The following STXBP5L variants were observed in gnomAD, a reference collection of about 807,000 sequenced individuals.
STXBP5L encodes syntaxin binding protein 5L, also known as syntaxin-binding protein 5-like.
In STXBP5L, 65 loss-of-function variants were observed where a neutral mutation model predicts 144.5. That is an observed-to-expected ratio of 0.45 (90% CI 0.37 to 0.55). The LOEUF (loss-of-function observed/expected upper bound fraction) is 0.55, where lower values mean the gene tolerates loss of function less well. STXBP5L is among the 20% of genes least tolerant of loss of function. The probability of loss-of-function intolerance (pLI) is 0.00; values close to 1 mark genes in which losing one functional copy is unlikely to be tolerated. For missense variants in STXBP5L, 1,298 were observed against 1,405.5 expected, an observed-to-expected ratio of 0.92 and a Z score of 1.22; for synonymous variants, 505 against 469.6, an observed-to-expected ratio of 1.08 and a Z score of -0.97.
chr3:120,975,682 G>T (rs1940899308), intron 3 of STXBP5L, among the ~76,000 whole-genome samples: 2 of 152,084 alleles, frequency 1.3e-5, no homozygotes, highest in South Asian at 4.1e-4. Context: ...CTGTAGGTTT[G>T]TCATAGATAG....
chr3:121,379,121 C>A (rs374366250), intron 21 of STXBP5L, among the ~76,000 whole-genome samples: 2 of 152,112 alleles, frequency 1.3e-5, no homozygotes, highest in East Asian at 3.8e-4. Flanking sequence ...ACCCCCTCCT[C>A]TGTACAAAGG....
At chr3:121,013,244 C>T (rs1019632149) in intron 3 of STXBP5L, among the ~76,000 whole-genome samples, 2 of 151,854 alleles carry the variant, frequency 1.3e-5, no homozygotes, top group Non-Finnish European at 1.5e-5. Flanking sequence ...AATGGTAATT[C>T]TGTTTTTACT....
At chr3:121,046,168 A>G (rs1481469334) in intron 5 of STXBP5L, among the ~76,000 whole-genome samples, 1 of 152,118 alleles carries the variant, frequency 6.6e-6, no homozygotes, top group Non-Finnish European at 1.5e-5. Context: ...GATCGCATTT[A>G]TGTATTTGTG....
At chr3:120,983,351 G>A (rs985662724) in intron 3 of STXBP5L, among the ~76,000 whole-genome samples, 1 of 152,124 alleles carries the variant, frequency 6.6e-6, no homozygotes, top group African/African-American at 2.4e-5. Flanking sequence ...AAGCAGTTAT[G>A]GGGTGCTCAG....
intron 20 of STXBP5L, among the ~76,000 whole-genome samples, chr3:121,365,868 G>C (rs1166298649): frequency 6.6e-6 from 1 of 151,066 alleles, no homozygotes; most frequent in African/African-American, 2.4e-5. Context: ...GTTGCCTTGA[G>C]ATTTTTCTTA....
chr3:121,221,041 T>A (rs539702122), intron 10 of STXBP5L, among the ~76,000 whole-genome samples: 2 of 152,080 alleles, frequency 1.3e-5, no homozygotes, highest in African/African-American at 4.8e-5. Context: ...ATCTCAATTT[T>A]CTTTTGGTTG....
chr3:121,006,628 A>C (rs1944332590), intron 3 of STXBP5L, among the ~76,000 whole-genome samples: 1 of 151,930 alleles, frequency 6.6e-6, no homozygotes, highest in South Asian at 2.1e-4. Flanking sequence ...GTTAGTTGAT[A>C]CAGTTTCTTC....
intron 7 of STXBP5L, among the ~76,000 whole-genome samples, chr3:121,138,662 GA>G (rs2045363986): frequency 6.6e-6 from 1 of 152,020 alleles, no homozygotes; most frequent in Non-Finnish European, 1.5e-5. Context: ...ATAAAGAAAG[GA>G]AAGTCTCCTT....
chr3:120,988,700 G>C (rs1942540051), intron 3 of STXBP5L, among the ~76,000 whole-genome samples: 1 of 152,042 alleles, frequency 6.6e-6, no homozygotes, highest in African/African-American at 2.4e-5. Flanking sequence ...AGGGGTACAA[G>C]TGCAGTTTTG....
intron 3 of STXBP5L, among the ~76,000 whole-genome samples, chr3:121,031,832 A>T (rs1946391126): frequency 6.6e-6 from 1 of 152,140 alleles, no homozygotes; most frequent in Admixed American, 6.6e-5. Context: ...TACTCAAGAG[A>T]TGCTTCAAAG....
At chr3:121,261,440 G>A (rs905363602) in intron 18 of STXBP5L, among the ~76,000 whole-genome samples, 6 of 152,078 alleles carry the variant, frequency 3.9e-5, no homozygotes, top group African/African-American at 1.4e-4. Flanking sequence ...AACATAACTC[G>A]ATGCAAAAAC....
Position 121,209,776 on chromosome 3 carries a change from G to C in STXBP5L, c.956+3775G>C, listed in dbSNP as rs569947434. On this transcript the variant is annotated intron_variant, in intron 10 of 26. Coordinates refer to ENST00000471454, the MANE Select transcript of STXBP5L (RefSeq NM_001308330.2). ...AGGACGTGAACTCATCCTTTTTCAT[G>C]GCTGCATAGTATTCCATGGTGTATA... Among the ~76,000 whole-genome samples the C allele has an allele frequency of 3.3e-5, 5 of 152,210 alleles. No homozygotes were observed. The South Asian group carries it at 1.0e-3, about 32-fold the overall frequency.
In STXBP5L at chr3:121,213,770, A is replaced by G. The variant is rs188942875; in HGVS notation, c.956+7769A>G. Among the ~76,000 whole-genome samples the G allele has an allele frequency of 4.2e-3, 643 of 152,254 alleles. 5 individuals carry two copies. Among genetic ancestry groups the G allele is most frequent in the African/African-American group, 0.015 (612 of 41,542 alleles). On this transcript the variant is annotated intron_variant, in intron 10 of 26. Coordinates refer to ENST00000471454, the MANE Select transcript of STXBP5L (RefSeq NM_001308330.2). ...AGTCTCTCTTTTTCTATTGTTTGGA[A>G]TAGTTTCAGAAGGAATGGTACCAAC...
At chr3:120,971,638 T>TACACAC (rs10576644) in intron 3 of STXBP5L, among the ~76,000 whole-genome samples, 31 of 146,390 alleles carry the variant, frequency 2.1e-4, no homozygotes, top group African/African-American at 7.4e-4. Context: ...CATGCATACA[T>TACACAC]ACACACACAC....
At chr3:121,414,102 AAAT>A (rs1175531133) in intron 24 of STXBP5L, among the ~76,000 whole-genome samples, 1 of 152,066 alleles carries the variant, frequency 6.6e-6, no homozygotes, top group Non-Finnish European at 1.5e-5. Flanking sequence ...TTTTTTAAAT[AAAT>A]AATAATAAAT....
At chr3:121,057,675 G>A (rs916844233) in intron 5 of STXBP5L, among the ~76,000 whole-genome samples, 1 of 151,832 alleles carries the variant, frequency 6.6e-6, no homozygotes, top group South Asian at 2.1e-4. Context: ...TCATTATTAT[G>A]TACTATTCTA....
intron 9 of STXBP5L, among the ~76,000 whole-genome samples, chr3:121,187,669 A>G (rs1261884277): frequency 6.6e-6 from 1 of 152,132 alleles, no homozygotes; most frequent in Admixed American, 6.5e-5. Context: ...TCATAAAGAC[A>G]TGATCAAATT....
intron 22 of STXBP5L, among the ~76,000 whole-genome samples, chr3:121,401,338 A>T (rs2046868990): frequency 6.6e-6 from 1 of 152,010 alleles, no homozygotes; most frequent in African/African-American, 2.4e-5. Context: ...CAGTGTGGCG[A>T]TTCCTCAGGG....
At chr3:121,146,622 GA>G (rs34698443) in intron 7 of STXBP5L, among the ~76,000 whole-genome samples, 22,704 of 152,000 alleles carry the variant, frequency 0.15, 2,101 homozygotes, top group East Asian at 0.49. Flanking sequence ...TACAGATGTA[GA>G]AAAGTTTAAC....
Sources: gnomAD v4.1 joint callset for allele counts (sites outside exome capture counted in the v4.1 genomes callset) on GRCh38, gnomAD v4.1.1 for gene constraint, MANE v1.5 for transcripts, NCBI Gene and HGNC (gene_info 2026-07-23, HGNC 2026-07-21) for gene names.